CCDC138: variants seen among roughly 807,000 people sequenced by gnomAD.
CCDC138 encodes coiled-coil domain containing 138, also known as coiled-coil domain-containing protein 138.
Under a neutral mutation model 82.3 loss-of-function variants are expected in CCDC138, and 66 were observed. That is an observed-to-expected ratio of 0.80 (90% CI 0.66 to 0.98). CCDC138 has a LOEUF of 0.98. Among genes scored for constraint, CCDC138 ranks in the 50% least tolerant of loss-of-function variants. The pLI is 0.00. For synonymous variants in CCDC138, 297 were observed against 265.4 expected (o/e 1.12, Z -1.16); for missense variants, 816 against 758.9 (o/e 1.08, Z -0.88).
chr2:108,826,205 AGTT>A (rs1268490633), intron 10 of CCDC138, among the ~76,000 whole-genome samples: 1 of 152,198 alleles, frequency 6.6e-6, no homozygotes, highest in African/African-American at 2.4e-5. Flanking sequence ...TCCATTCAGT[AGTT>A]GTCTGTTGAC....
At chr2:108,848,374 G>A (rs750645367) in intron 12 of CCDC138, among the ~76,000 whole-genome samples, 10 of 152,112 alleles carry the variant, frequency 6.6e-5, no homozygotes, top group Non-Finnish European at 1.3e-4. Flanking sequence ...ATGAATATTG[G>A]GAAGGAGTAG....
At chr2:108,788,345 G>T (rs946457031) in intron 2 of CCDC138, among the ~76,000 whole-genome samples, 2 of 151,790 alleles carry the variant, frequency 1.3e-5, no homozygotes, top group Non-Finnish European at 2.9e-5. Flanking sequence ...GGTTGAACCC[G>T]GGAGGCAGAG....
chr2:108,851,423 T>C (rs1009335277), intron 12 of CCDC138, among the ~76,000 whole-genome samples: 1 of 152,136 alleles, frequency 6.6e-6, no homozygotes, highest in East Asian at 1.9e-4. Flanking sequence ...TGCCTCAGCC[T>C]CCCGAGTAGC....
chr2:108,869,492 A>C (rs1694916915), intron 13 of CCDC138, among the ~76,000 whole-genome samples: 1 of 152,122 alleles, frequency 6.6e-6, no homozygotes, highest in African/African-American at 2.4e-5. Context: ...CATGGTTTGA[A>C]TCTCAGGAAG....
intron 10 of CCDC138, among the ~76,000 whole-genome samples, chr2:108,817,520 C>T (rs7609019): frequency 0.8 from 121,146 of 151,988 alleles, 48,610 homozygotes; most frequent in East Asian, 0.95. Flanking sequence ...CTTGATCTCT[C>T]GACCTCGTGA....
In CCDC138 at chr2:108,839,244, C is replaced by T. The variant is rs553340672; in HGVS notation, c.1266C>T (p.His422=). The change falls in exon 11 of 15, where the codon CAC becomes CAT. Residue 422 remains histidine, a synonymous_variant. Transcript: ENST00000295124. ...TGCCATTTGTGAATATCAAACTTCA[C>T]GAGCCTTTTGTAAAATTTATATATT... ...QWMPFVNIKL[H]EPFVKFIYWS... 8 of 1,612,466 alleles carry T rather than the reference C, an allele frequency of 5.0e-6. No individual in the cohort carries two copies. The highest frequency in any genetic ancestry group is 2.7e-5 in the African/African-American group (2 of 74,960).
intron 13 of CCDC138, among the ~76,000 whole-genome samples, chr2:108,870,135 A>G (rs1439065011): frequency 1.3e-5 from 2 of 152,244 alleles, no homozygotes; most frequent in African/African-American, 4.8e-5. Flanking sequence ...GGGAAATGAT[A>G]CATGAACAAA....
chr2:108,823,034 A>G (rs1367051618), intron 10 of CCDC138, among the ~76,000 whole-genome samples: 1 of 152,238 alleles, frequency 6.6e-6, no homozygotes, highest in East Asian at 1.9e-4. Context: ...ATGCCAACAG[A>G]TAGCATCACA....
intron 4 of CCDC138, among the ~76,000 whole-genome samples, chr2:108,792,545 G>C (rs1345648999): frequency 6.6e-6 from 1 of 152,178 alleles, no homozygotes; most frequent in Non-Finnish European, 1.5e-5. Context: ...CTCGGGCCAG[G>C]GATTGGTGAG....
chr2:108,837,030 T>C (rs1688680232), intron 10 of CCDC138, among the ~76,000 whole-genome samples: 1 of 152,136 alleles, frequency 6.6e-6, no homozygotes, highest in Non-Finnish European at 1.5e-5. Flanking sequence ...CTTCTCCAAT[T>C]TGGATACTTT....
intron 7 of CCDC138, among the ~76,000 whole-genome samples, chr2:108,808,986 G>T (rs1427885795): frequency 6.6e-6 from 1 of 152,126 alleles, no homozygotes; most frequent in African/African-American, 2.4e-5. Context: ...ATTTTGGGTT[G>T]ATTTTTGTCT....
chr2:108,881,398 C>T (rs532655888), downstream of CCDC138, among the ~76,000 whole-genome samples: 2 of 152,154 alleles, frequency 1.3e-5, no homozygotes, highest in Admixed American at 6.5e-5. Context: ...ATATTGTGGC[C>T]GATTTGTATC....
chr2:108,807,453 C>T (rs1319938483), intron 7 of CCDC138, among the ~76,000 whole-genome samples: 2 of 152,096 alleles, frequency 1.3e-5, no homozygotes, highest in Non-Finnish European at 2.9e-5. Flanking sequence ...GTAATGATCA[C>T]AGTAATTAGC....
intron 10 of CCDC138, among the ~76,000 whole-genome samples, chr2:108,820,505 G>GA (rs1465637407): frequency 6.6e-6 from 1 of 152,024 alleles, no homozygotes; most frequent in African/African-American, 2.4e-5. Flanking sequence ...GAACTCCAGA[G>GA]AGGACAATTC....
chr2:108,846,948 C>T lies in CCDC138; in HGVS notation c.1516+18C>T, dbSNP rs1403524770. 1 of 1,355,518 alleles carries T rather than the reference C, an allele frequency of 7.4e-7. No individual in the cohort carries two copies. The highest frequency in any genetic ancestry group is 2.0e-5 in the Admixed American group (1 of 50,788). The allele number at this position is 1,355,518 out of a possible 1,614,324, so 84.0% of individuals were successfully genotyped here. ...CACTCAAGGTAAGCTTTCAATTGTA[C>T]TTATGGTTAATTTTGAGAAACAATA... is the stretch of plus-strand genomic sequence containing the variant. On this transcript the variant is annotated intron_variant, in intron 12 of 14. Transcript: ENST00000295124.
At chr2:108,837,636 C>T (rs1268432932) in intron 10 of CCDC138, among the ~76,000 whole-genome samples, 1 of 152,162 alleles carries the variant, frequency 6.6e-6, no homozygotes, top group Middle Eastern at 3.2e-3. Flanking sequence ...CGTAAACAAA[C>T]CTGTGCTGCC....
At chr2:108,880,248 C>T (rs1161854138), downstream of CCDC138, among the ~76,000 whole-genome samples, 1 of 149,738 alleles carries the variant, frequency 6.7e-6, no homozygotes, top group Non-Finnish European at 1.5e-5. Flanking sequence ...AGAGAAGGCA[C>T]AGATTGCTAA....
chr2:108,829,443 C>G (rs1366518826), intron 10 of CCDC138, among the ~76,000 whole-genome samples: 3 of 152,154 alleles, frequency 2.0e-5, no homozygotes, highest in African/African-American at 4.8e-5. Context: ...CACTTAACAC[C>G]TATTAGAATG....
chr2:108,830,321 G>C (rs1025623720), intron 10 of CCDC138, among the ~76,000 whole-genome samples: 4 of 152,162 alleles, frequency 2.6e-5, no homozygotes, highest in Non-Finnish European at 5.9e-5. Flanking sequence ...CAAAAGTTTT[G>C]GGGATGGATA....
Sources: gnomAD v4.1 joint callset for allele counts (sites outside exome capture counted in the v4.1 genomes callset) on GRCh38, gnomAD v4.1.1 for gene constraint, MANE v1.5 for transcripts, NCBI Gene and HGNC (gene_info 2026-07-23, HGNC 2026-07-21) for gene names.